MAP3K1: variants seen among roughly 807,000 people sequenced by gnomAD.
The protein encoded by MAP3K1 is MAP/ERK kinase kinase 1.
In MAP3K1, 36 loss-of-function variants were observed where a neutral mutation model predicts 144.2. That is an observed-to-expected ratio of 0.25 (90% CI 0.19 to 0.33). The LOEUF is 0.33. MAP3K1 is among the 10% of genes least tolerant of loss of function. MAP3K1 has a pLI of 1.00. For missense variants in MAP3K1, 1,650 were observed against 1,881.9 expected (o/e 0.88, Z 2.28); for synonymous variants, 718 against 688.7 (o/e 1.04, Z -0.67).
At chr5:56,840,747 C>T (rs1359701157) in intron 1 of MAP3K1, among the ~76,000 whole-genome samples, 1 of 152,020 alleles carries the variant, frequency 6.6e-6, no homozygotes, top group Non-Finnish European at 1.5e-5. Flanking sequence ...CACATTGGGA[C>T]GTAAAAACAA....
In MAP3K1 at chr5:56,815,723, G is replaced by T; in HGVS notation, c.150G>T (p.Gly50=). Residue 50 remains glycine (G), a synonymous_variant, in exon 1 of 20, where the codon GGG becomes GGT. Transcript: ENST00000399503. The part of the protein sequence containing the change: ...AAGLLREAGS[G]GRERADWRRR... Reference sequence around the variant, plus strand: ...GACTGCTGCGGGAGGCGGGCAGCGGGGGCCGCGAGCGGGCGGACTGGCGGC... The same window carrying T: ...GACTGCTGCGGGAGGCGGGCAGCGGTGGCCGCGAGCGGGCGGACTGGCGGC... The T allele has an allele frequency of 1.5e-6, 2 of 1,335,290 alleles. No homozygotes were observed. Among genetic ancestry groups the T allele is most frequent in the Middle Eastern group, 2.7e-4 (1 of 3,686 alleles). The allele number at this position is 1,335,290 out of a possible 1,614,324, so 82.7% of individuals were successfully genotyped here. A position where few individuals can be genotyped will look rare whatever the true frequency, so the allele number is the denominator to read the frequency against.
At chr5:56,849,939 C>T (rs1353008687) in intron 1 of MAP3K1, among the ~76,000 whole-genome samples, 5 of 152,106 alleles carry the variant, frequency 3.3e-5, no homozygotes, top group African/African-American at 1.2e-4. Flanking sequence ...GTAACTGAAC[C>T]TCCCATATCC....
At position 56,815,912 on chromosome 5, in the gene MAP3K1, C is replaced by T. The variant is rs1340085996; in HGVS notation, c.339C>T (p.Pro113=). ...TGFQPVAVPP[P]HGAASRGGAH... is the part of the protein sequence containing the mutation. ...TCCAGCCTGTGGCGGTGCCGCCGCC[C>T]CACGGAGCCGCGAGCCGCGGCGGCG... The change falls in exon 1 of 20, where the codon CCC becomes CCT. Residue 113 remains proline, a synonymous_variant. Transcript: ENST00000399503. The T allele has an allele frequency of 7.0e-6, 9 of 1,290,576 alleles. No individual in the cohort carries two copies. Among genetic ancestry groups the T allele is most frequent in the East Asian group, 3.2e-5 (1 of 30,856 alleles). 79.9% of individuals were successfully genotyped at this position (1,290,576 alleles called of 1,614,324 possible).
intron 1 of MAP3K1, among the ~76,000 whole-genome samples, chr5:56,845,703 A>T (rs1302145371): frequency 6.6e-6 from 1 of 152,234 alleles, no homozygotes; most frequent in Non-Finnish European, 1.5e-5. Context: ...AGGGAAGAGG[A>T]TACTCACAAT....
rs1457788049 is a variant in MAP3K1 at position 56,850,499 on chromosome 5, T to A, written c.483-6101T>A. 2.0e-5 allele frequency among the ~76,000 whole-genome samples: 3 copies of A among 152,228 alleles called. No individual in the cohort carries two copies. The East Asian group carries it at 5.8e-4, about 29-fold the overall frequency. ...ATGCTTCTTTAATTATTATAATTAATCAAATCGTCACTGTTGTAAAAACTT... is the reference window on the plus strand; with the variant it reads ...ATGCTTCTTTAATTATTATAATTAAACAAATCGTCACTGTTGTAAAAACTT... On this transcript the variant is annotated intron_variant, in intron 1 of 19. Transcript: ENST00000399503.
At chr5:56,822,527 C>T (rs141386356) in intron 1 of MAP3K1, among the ~76,000 whole-genome samples, 1 of 152,286 alleles carries the variant, frequency 6.6e-6, no homozygotes, top group African/African-American at 2.4e-5. Flanking sequence ...GTAAGCCCCT[C>T]CTGATTTTCT....
intron 9 of MAP3K1, among the ~76,000 whole-genome samples, chr5:56,874,773 A>G (rs1057240981): frequency 7.2e-5 from 11 of 152,196 alleles, no homozygotes; most frequent in African/African-American, 2.7e-4. Flanking sequence ...ATAGCCATCT[A>G]GTGACTTAAT....
Position 56,881,715 on chromosome 5 carries a change from G to A in MAP3K1, c.2515G>A (p.Glu839Lys). The part of the protein sequence containing the change: ...TVPHVFSKLL[E>K]MLSVSSSTHF... ...ACCCCATGTGTTTTCAAAACTGTTA[G>A]AAATGCTGAGTGTTTCCAGTTCCAC... The change falls in exon 14 of 20, where the codon GAA becomes AAA. Residue 839 changes from glutamate (E) to lysine (K), a missense_variant. Glu to Lys is a moderately conservative substitution (Grantham distance 56). This residue lies in a region of MAP3K1 where 841 missense variants were observed against 886.5 expected (regional missense o/e 0.95). Coordinates refer to ENST00000399503, the MANE Select transcript of MAP3K1 (RefSeq NM_005921.2). 1 of 1,614,154 alleles carries A rather than the reference G, an allele frequency of 6.2e-7. No individual in the cohort carries two copies. Among genetic ancestry groups the A allele is most frequent in the Non-Finnish European group, 8.5e-7 (1 of 1,180,024 alleles).
chr5:56,816,604 C>T (rs1443857520), intron 1 of MAP3K1, among the ~76,000 whole-genome samples: 1 of 152,068 alleles, frequency 6.6e-6, no homozygotes, highest in Non-Finnish European at 1.5e-5. Flanking sequence ...TCGGCCCGCC[C>T]GGGACTCGAG....
chr5:56,821,576 A>G (rs1192649069), intron 1 of MAP3K1, among the ~76,000 whole-genome samples: 2 of 152,126 alleles, frequency 1.3e-5, no homozygotes, highest in Admixed American at 1.3e-4. Context: ...TTTATTTTTA[A>G]ATTAGAAATG....
In MAP3K1 at chr5:56,882,471, T is replaced by C. The variant is rs1380431442; in HGVS notation, c.3271T>C (p.Cys1091Arg). The C allele has an allele frequency of 3.1e-6, 5 of 1,614,144 alleles. No homozygotes were observed. The highest frequency in any genetic ancestry group is 4.2e-6 in the Non-Finnish European group (5 of 1,180,022). Residue 1091 changes from cysteine to arginine, a missense_variant, in exon 14 of 20, where the codon TGT becomes CGT. Cys to Arg is a radical substitution (Grantham distance 180). Transcript: ENST00000399503. ...MTLDLNSSSK[C>R]DDSFGCSSNS... ...ACTTGATCTGAACAGTAGTTCCAAATGTGATGACAGCTTTGGCTGTAGCAG... is the reference window on the plus strand; with the variant it reads ...ACTTGATCTGAACAGTAGTTCCAAACGTGATGACAGCTTTGGCTGTAGCAG...
At chr5:56,849,164 A>G (rs1309679684) in intron 1 of MAP3K1, among the ~76,000 whole-genome samples, 1 of 152,134 alleles carries the variant, frequency 6.6e-6, no homozygotes, top group Non-Finnish European at 1.5e-5. Flanking sequence ...CCCGGACAAC[A>G]TGGAGAAACC....
intron 1 of MAP3K1, among the ~76,000 whole-genome samples, chr5:56,831,415 C>T (rs748963682): frequency 1.3e-5 from 2 of 152,074 alleles, no homozygotes; most frequent in Non-Finnish European, 2.9e-5. Context: ...TCTTTCTAGG[C>T]AGATTCTATG....
chr5:56,882,201 G>C lies in MAP3K1; in HGVS notation c.3001G>C (p.Val1001Leu), dbSNP rs947976077. The change falls in exon 14 of 20, where the codon GTC (valine) becomes CTC (leucine). Residue 1001 changes from valine to leucine, a missense_variant. Transcript: ENST00000399503. The stretch of plus-strand genomic sequence containing the variant: ...TGTACCAGCTGGCACTGCAACAGAT[G>C]TCTCTAAGCATAGACTTCAGGGATT... ...PSVPAGTATD[V>L]SKHRLQGFIP... 6.2e-7 allele frequency: 1 copy of C among 1,614,116 alleles called. No homozygotes were observed. Among genetic ancestry groups the C allele is most frequent in the Non-Finnish European group, 8.5e-7 (1 of 1,180,020 alleles).
At chr5:56,886,774 C>CT (rs1270336610) in intron 17 of MAP3K1, among the ~76,000 whole-genome samples, 11 of 151,760 alleles carry the variant, frequency 7.2e-5, no homozygotes, top group Non-Finnish European at 1.3e-4. Context: ...TTATCCTTTT[C>CT]TTTTTTTTGG....
Position 56,881,187 on chromosome 5 carries a change from G to A in MAP3K1, c.2284G>A (p.Asp762Asn), listed in dbSNP as rs754559934. The A allele has an allele frequency of 1.2e-6, 2 of 1,613,770 alleles. No homozygotes were observed. The highest frequency in any genetic ancestry group is 1.7e-6 in the Non-Finnish European group (2 of 1,179,856). ...QELLGRLCLI[D>N]RLLLEFPAEF... ...ACTTCTTGGCCGCCTTTGTCTTATA[G>A]ATAGACTGTTGTTGGAATTTCCTGC... Residue 762 changes from aspartate (D) to asparagine (N), a missense_variant, in exon 13 of 20, where the codon GAT becomes AAT. This residue lies in a region of MAP3K1 where 841 missense variants were observed against 886.5 expected (regional missense o/e 0.95). Coordinates refer to ENST00000399503, the MANE Select transcript of MAP3K1 (RefSeq NM_005921.2).
At position 56,843,434 on chromosome 5, in the gene MAP3K1, G is replaced by C. The variant is rs531205649; in HGVS notation, c.483-13166G>C. The stretch of plus-strand genomic sequence containing the variant: ...AGTTCCAGGGTCTTTACAATGAAAT[G>C]AGAACCATTCCCCAGGCCCATTTAT... On this transcript the variant is annotated intron_variant, in intron 1 of 19. Coordinates refer to ENST00000399503, the MANE Select transcript of MAP3K1 (RefSeq NM_005921.2). Among the ~76,000 whole-genome samples the C allele has an allele frequency of 3.3e-5, 5 of 152,346 alleles. No individual in the cohort carries two copies. In the East Asian group the frequency reaches 7.7e-4, roughly 24 times the overall value.
In MAP3K1 at chr5:56,882,574, A is replaced by G. The variant is rs1310720780; in HGVS notation, c.3374A>G (p.Asn1125Ser). 3.7e-6 allele frequency: 6 copies of G among 1,614,070 alleles called. No individual in the cohort carries two copies. The highest frequency in any genetic ancestry group is 3.3e-5 in the Admixed American group (2 of 59,994). Reference protein sequence around the residue: ...PVEEKCRLDVNTELNSSIEDL... With the variant: ...PVEEKCRLDVSTELNSSIEDL... ...GAGGAGAAATGCAGATTAGATGTCA[A>G]TACAGAGCTCAACTCCAGTATTGAG... The change falls in exon 14 of 20, where the codon AAT becomes AGT. Residue 1125 changes from asparagine to serine, a missense_variant. Physicochemically the swap from Asn to Ser is conservative, Grantham distance 46. This residue lies in a region of MAP3K1 where 841 missense variants were observed against 886.5 expected (regional missense o/e 0.95). Transcript: ENST00000399503.
intron 1 of MAP3K1, among the ~76,000 whole-genome samples, chr5:56,817,811 G>A (rs570722245): frequency 1.3e-5 from 2 of 152,298 alleles, no homozygotes; most frequent in East Asian, 1.9e-4. Flanking sequence ...CTCTTAATGA[G>A]CTGTGAATAT....
Sources: allele counts gnomAD v4.1 joint callset (sites outside exome capture counted in the v4.1 genomes callset), GRCh38; gene constraint gnomAD v4.1.1; regional missense constraint gnomAD v4.1.1; transcripts MANE v1.5; gene names NCBI Gene and HGNC (gene_info 2026-07-23, HGNC 2026-07-21).